The following CDHR3 variants were observed in gnomAD, a reference collection of about 807,000 sequenced individuals.
CDHR3 encodes the protein cadherin-related family member 3.
In CDHR3, 79 loss-of-function variants were observed where a neutral mutation model predicts 86.6. The ratio of observed to expected loss-of-function variants is 0.91; its 90% CI spans 0.76 to 1.10. The LOEUF is 1.10. CDHR3 is among the 50% of genes least tolerant of loss of function. The probability of loss-of-function intolerance (pLI) is 0.00; values close to 1 mark genes in which losing one functional copy is unlikely to be tolerated. For missense variants in CDHR3, 1,081 were observed against 1,077.6 expected, an observed-to-expected ratio of 1.00 and a Z score of -0.04; for synonymous variants, 421 against 402.4, an observed-to-expected ratio of 1.05 and a Z score of -0.55.
In CDHR3 at chr7:106,024,662, C is replaced by T. The variant is rs535122526; in HGVS notation, c.2258+100C>T. On this transcript the variant is annotated intron_variant, in intron 15 of 18. Coordinates refer to ENST00000317716, the MANE Select transcript of CDHR3 (RefSeq NM_152750.5). ...AAAATGGAGAATCAGGATTTCTCTA[C>T]AAGGCAGGTTGCCTGGAGTGAAGGC... 114 of 1,281,886 alleles carry T rather than the reference C, an allele frequency of 8.9e-5. No homozygotes were observed. In the African/African-American group the frequency reaches 1.5e-3, roughly 17 times the overall value. The allele number at this position is 1,281,886 out of a possible 1,614,324, so 79.4% of individuals were successfully genotyped here.
At chr7:105,995,202 C>T (rs1172311311) in intron 5 of CDHR3, among the ~76,000 whole-genome samples, 3 of 152,206 alleles carry the variant, frequency 2.0e-5, no homozygotes, top group African/African-American at 7.2e-5. Context: ...CCATGAGCTA[C>T]ATGGAATTCC....
chr7:105,976,343 CAG>C (rs1329492140), intron 2 of CDHR3, among the ~76,000 whole-genome samples: 2 of 152,136 alleles, frequency 1.3e-5, no homozygotes, highest in Non-Finnish European at 2.9e-5. Flanking sequence ...AAATGACGCA[CAG>C]AGAGATTAGG....
Position 106,036,252 on chromosome 7 carries a change from T to C in CDHR3, c.*3555T>C, listed in dbSNP as rs1838916682. 1 of 152,198 alleles carries C rather than the reference T, an allele frequency of 6.6e-6. No individual in the cohort carries two copies. The highest frequency in any genetic ancestry group is 2.4e-5 in the African/African-American group (1 of 41,462). The allele number at this position is 152,198 out of a possible 1,614,324, so 9.4% of individuals were successfully genotyped here. A position where few individuals can be genotyped will look rare whatever the true frequency, so the allele number is the denominator to read the frequency against. ...CTGCTCCCCAGAGCCCCCTTTCACATCTGGGGTTCTCATTGTTTGCCTTTT... is the reference window on the plus strand; with the variant it reads ...CTGCTCCCCAGAGCCCCCTTTCACACCTGGGGTTCTCATTGTTTGCCTTTT... On this transcript the variant is annotated 3_prime_UTR_variant, in exon 19 of 19. Transcript: ENST00000317716.
At chr7:106,001,752 C>A in intron 7 of CDHR3, 142 bp downstream of exon 7, 1 of 1,026,880 alleles carries the variant, frequency 9.7e-7, no homozygotes, top group East Asian at 2.4e-5. Flanking sequence ...GCTCAAGTTT[C>A]TTCTATAAAA....
At chr7:105,977,851 A>C (rs1829065535) in intron 2 of CDHR3, among the ~76,000 whole-genome samples, 1 of 152,246 alleles carries the variant, frequency 6.6e-6, no homozygotes, top group East Asian at 1.9e-4. Context: ...GCTTTGGGAC[A>C]CAGCTATTGA....
chr7:106,000,813 T>C (rs1563267615), intron 6 of CDHR3, among the ~76,000 whole-genome samples: 1 of 150,822 alleles, frequency 6.6e-6, no homozygotes, highest in African/African-American at 2.4e-5. Flanking sequence ...TCAGGGGACC[T>C]ATTTCTCAGT....
intron 4 of CDHR3, among the ~76,000 whole-genome samples, chr7:105,990,907 A>T (rs1411584557): frequency 6.6e-6 from 1 of 152,178 alleles, no homozygotes; most frequent in Non-Finnish European, 1.5e-5. Context: ...GGCACAATCA[A>T]GGGTGAATGG....
chr7:105,989,998 G>T (rs1831121638), intron 4 of CDHR3, among the ~76,000 whole-genome samples: 1 of 152,142 alleles, frequency 6.6e-6, no homozygotes, highest in Non-Finnish European at 1.5e-5. Flanking sequence ...CTTGTTCAAA[G>T]GCTCATAAAA....
intron 2 of CDHR3, among the ~76,000 whole-genome samples, chr7:105,979,876 C>A (rs966054340): frequency 2.6e-5 from 4 of 152,174 alleles, no homozygotes; most frequent in African/African-American, 9.7e-5. Context: ...GTTCAAGGCT[C>A]TAAGTTGGTG....
chr7:106,014,096 G>T (rs929478288), intron 9 of CDHR3, among the ~76,000 whole-genome samples: 1 of 152,120 alleles, frequency 6.6e-6, no homozygotes, highest in Non-Finnish European at 1.5e-5. Context: ...TAGCAGCTGG[G>T]ACTACAGGAG....
intron 7 of CDHR3, among the ~76,000 whole-genome samples, chr7:106,004,015 A>AG (rs1491221527): frequency 6.6e-6 from 1 of 150,932 alleles, no homozygotes; most frequent in East Asian, 1.9e-4. Flanking sequence ...AAAAAAAGAA[A>AG]GAAAAAAAAG....
chr7:105,978,779 T>C (rs564564241), intron 2 of CDHR3, among the ~76,000 whole-genome samples: 2 of 152,288 alleles, frequency 1.3e-5, no homozygotes, highest in African/African-American at 2.4e-5. Flanking sequence ...GGTTCCAAGA[T>C]ACAACATTTT....
At chr7:105,972,001 C>G (rs1216141449) in intron 1 of CDHR3, among the ~76,000 whole-genome samples, 1 of 152,196 alleles carries the variant, frequency 6.6e-6, no homozygotes, top group Non-Finnish European at 1.5e-5. Flanking sequence ...ATGTGACAGG[C>G]ATGGAGTGAC....
intron 4 of CDHR3, among the ~76,000 whole-genome samples, chr7:105,985,628 G>A (rs1472490845): frequency 6.6e-6 from 1 of 151,944 alleles, no homozygotes; most frequent in Non-Finnish European, 1.5e-5. Flanking sequence ...TAAGGGAATA[G>A]TCTGTTTTTA....
intron 4 of CDHR3, among the ~76,000 whole-genome samples, chr7:105,984,498 A>T (rs1018869024): frequency 6.6e-6 from 1 of 152,126 alleles, no homozygotes; most frequent in Admixed American, 6.5e-5. Flanking sequence ...GCTCTGTGTG[A>T]TCTAGGCCCA....
intron 14 of CDHR3, 136 bp downstream of exon 14, chr7:106,022,584 A>C (rs528018323): frequency 2.3e-6 from 3 of 1,310,278 alleles, no homozygotes; most frequent in African/African-American, 1.5e-5. Context: ...AATGGCAACC[A>C]TGGGCTGGAC....
chr7:105,980,585 G>GT (rs56057580), intron 2 of CDHR3, among the ~76,000 whole-genome samples: 20 of 105,488 alleles, frequency 1.9e-4, no homozygotes, highest in African/African-American at 4.4e-4. Context: ...GTAGTGGAAG[G>GT]TTTTTTTTTT....
At chr7:105,982,589 T>C (rs948730595) in intron 3 of CDHR3, among the ~76,000 whole-genome samples, 6 of 151,800 alleles carry the variant, frequency 4.0e-5, no homozygotes, top group Non-Finnish European at 7.4e-5. Context: ...ACCCAGCCTC[T>C]GGCCCCCTTA....
intron 17 of CDHR3, 113 bp downstream of exon 17, chr7:106,028,695 G>T (rs1321962993): frequency 3.4e-6 from 4 of 1,183,590 alleles, no homozygotes; most frequent in Non-Finnish European, 4.8e-6. Context: ...ATTCAGGGAG[G>T]TGCTTGTGTT....
Sources: allele counts gnomAD v4.1 joint callset (sites outside exome capture counted in the v4.1 genomes callset), GRCh38; gene constraint gnomAD v4.1.1; transcripts MANE v1.5; gene names NCBI Gene and HGNC (gene_info 2026-07-23, HGNC 2026-07-21).